TLL1: variants seen among roughly 807,000 people sequenced by gnomAD.
TLL1 encodes the protein tolloid like 1.
TLL1 carries 49 observed loss-of-function variants against 128.2 expected under a neutral mutation model. That is an observed-to-expected ratio of 0.38 (90% CI 0.30 to 0.48). TLL1 has a LOEUF of 0.48. TLL1 is among the 20% of genes least tolerant of loss of function. TLL1 has a pLI of 0.96. For synonymous variants in TLL1, 454 were observed against 418.8 expected (o/e 1.08, Z -1.03); for missense variants, 1,123 against 1,242.0 (o/e 0.90, Z 1.44).
At chr4:165,973,231 A>G (rs1735708088) in intron 1 of TLL1, among the ~76,000 whole-genome samples, 1 of 152,126 alleles carries the variant, frequency 6.6e-6, no homozygotes, top group Non-Finnish European at 1.5e-5. Context: ...CTGAGTCCCA[A>G]AGCCTCAAAG....
chr4:165,873,940 G>C lies in TLL1; in HGVS notation c.36G>C (p.Val12=). 1 of 1,614,148 alleles carries C rather than the reference G, an allele frequency of 6.2e-7. No homozygotes were observed. The highest frequency in any genetic ancestry group is 1.1e-5 in the South Asian group (1 of 91,090). ...GAACGCTTTCCCCGAGGATGCTCGT[G>C]TGGCTGGTGGCCTCGGGGATTGTTT... is the stretch of plus-strand genomic sequence containing the variant. The part of the protein sequence containing the change: ...GLGTLSPRML[V]WLVASGIVFY... Residue 12 remains valine (V), a synonymous_variant, in exon 1 of 21, where the codon GTG becomes GTC. Coordinates refer to ENST00000061240, the MANE Select transcript of TLL1 (RefSeq NM_012464.5).
At chr4:166,071,648 G>A (rs1740809575) in intron 16 of TLL1, among the ~76,000 whole-genome samples, 2 of 151,662 alleles carry the variant, frequency 1.3e-5, no homozygotes, top group African/African-American at 4.8e-5. Context: ...CTCTTTCCTT[G>A]GATTTGTATT....
At chr4:166,100,528 G>C (rs2279724) in intron 20 of TLL1, among the ~76,000 whole-genome samples, 1 of 151,972 alleles carries the variant, frequency 6.6e-6, no homozygotes, top group Non-Finnish European at 1.5e-5. Context: ...CTACATCACC[G>C]ACTAGTCGCG....
intron 1 of TLL1, among the ~76,000 whole-genome samples, chr4:165,926,631 C>T (rs1226107472): frequency 6.6e-6 from 1 of 152,114 alleles, no homozygotes; most frequent in East Asian, 1.9e-4. Flanking sequence ...CCATGTATCC[C>T]TGCTGCTGTC....
chr4:165,899,483 A>G (rs1422575435), intron 1 of TLL1, among the ~76,000 whole-genome samples: 1 of 152,116 alleles, frequency 6.6e-6, no homozygotes, highest in Non-Finnish European at 1.5e-5. Context: ...TTATTTACCT[A>G]GTAGTCATTC....
intron 1 of TLL1, among the ~76,000 whole-genome samples, chr4:165,946,175 C>G (rs1734239539): frequency 1.3e-5 from 2 of 152,086 alleles, no homozygotes; most frequent in African/African-American, 2.4e-5. Flanking sequence ...TCTGCCAACA[C>G]TGAATGAGCT....
In TLL1 at chr4:165,994,329, A is replaced by T. The variant is rs59155367; in HGVS notation, c.362-52A>T. The T allele has an allele frequency of 9.5e-3, 15,275 of 1,611,162 alleles. 1,235 individuals are homozygous for T. In the African/African-American group the frequency reaches 0.18, roughly 19 times the overall value. On this transcript the variant is annotated intron_variant, in intron 3 of 20. Coordinates refer to ENST00000061240, the MANE Select transcript of TLL1 (RefSeq NM_012464.5). The stretch of plus-strand genomic sequence containing the variant: ...ACTTTTGTCCTTTAAGAGGTAAATG[A>T]TTCCCTGACCAAGAACTTCTGTTTC...
chr4:166,037,154 T>G (rs1045080637), intron 9 of TLL1, among the ~76,000 whole-genome samples: 1 of 152,128 alleles, frequency 6.6e-6, no homozygotes, highest in African/African-American at 2.4e-5. Context: ...TGAAACATAG[T>G]ATCAGGCAGT....
intron 18 of TLL1, among the ~76,000 whole-genome samples, chr4:166,083,699 G>T (rs1560860381): frequency 1.5e-5 from 1 of 66,800 alleles, no homozygotes; most frequent in African/African-American, 3.1e-5. Flanking sequence ...TTTCACCCAT[G>T]TTGTTACAAA....
At chr4:165,960,758 C>T (rs990314955) in intron 1 of TLL1, among the ~76,000 whole-genome samples, 1 of 151,964 alleles carries the variant, frequency 6.6e-6, no homozygotes, top group Admixed American at 6.6e-5. Flanking sequence ...ATAATCCCGC[C>T]TCCCTTCAGG....
intron 15 of TLL1, among the ~76,000 whole-genome samples, chr4:166,061,492 G>C (rs910120060): frequency 1.3e-5 from 2 of 152,028 alleles, no homozygotes; most frequent in African/African-American, 4.8e-5. Context: ...TGATCCGCCT[G>C]CCTCAGCCTC....
rs779010027 is a variant in TLL1 at position 165,934,173 on chromosome 4, CTTTTTT to C, written c.170-55192_170-55187del. Among the ~76,000 whole-genome samples the C allele has an allele frequency of 4.5e-4, 49 of 108,296 alleles. 1 individual carries two copies. The highest frequency in any genetic ancestry group is 1.4e-3 in the African/African-American group (39 of 26,928). 71.0% of individuals were successfully genotyped at this position (108,296 alleles called of 152,430 possible). On this transcript the variant is annotated intron_variant, in intron 1 of 20. Coordinates refer to ENST00000061240, the MANE Select transcript of TLL1 (RefSeq NM_012464.5). ...GCCACCACGCCCAGCTAATTTTTTG[CTTTTTT>C]TTTTTTTTTTTTTTTAGTAGGGACG...
At chr4:166,018,213 C>T (rs964411208) in intron 8 of TLL1, among the ~76,000 whole-genome samples, 23 of 152,168 alleles carry the variant, frequency 1.5e-4, no homozygotes, top group African/African-American at 5.5e-4. Context: ...TCCTATTCAA[C>T]AAATGGTACT....
In TLL1 at chr4:166,008,099, G is replaced by T. The variant is rs369018882; in HGVS notation, c.917+51G>T. On this transcript the variant is annotated intron_variant, in intron 7 of 20. Coordinates refer to ENST00000061240, the MANE Select transcript of TLL1 (RefSeq NM_012464.5). ...GACTTTTAATTCCTTTCCTCCATGT[G>T]GCTCCTCACAAAGCTATGCCTGACA... 3 of 1,346,330 alleles carry T rather than the reference G, an allele frequency of 2.2e-6. No homozygotes were observed. The African/African-American group carries it at 4.3e-5, about 19-fold the overall frequency. The allele number at this position is 1,346,330 out of a possible 1,614,324, so 83.4% of individuals were successfully genotyped here.
Position 166,101,870 on chromosome 4 carries a change from G to A in TLL1, c.*994G>A, listed in dbSNP as rs1466385276. ...TTGAAATGAAGCAGAAGTAGGCCTT[G>A]TGAGAACTGAAAGGTCTCTTTCATT... On this transcript the variant is annotated 3_prime_UTR_variant, in exon 21 of 21. Transcript: ENST00000061240. 6.6e-6 allele frequency: 1 copy of A among 152,384 alleles called. No homozygotes were observed. Among genetic ancestry groups the A allele is most frequent in the African/African-American group, 2.4e-5 (1 of 41,414 alleles). The allele number at this position is 152,384 out of a possible 1,614,324, so 9.4% of individuals were successfully genotyped here.
intron 1 of TLL1, among the ~76,000 whole-genome samples, chr4:165,905,556 C>T (rs142149229): frequency 1.6e-4 from 24 of 152,216 alleles, no homozygotes; most frequent in African/African-American, 5.8e-4. Context: ...TCTGTTGACT[C>T]CTGTTTAGAT....
At chr4:166,090,918 C>T (rs1442298012) in intron 18 of TLL1, among the ~76,000 whole-genome samples, 1 of 151,956 alleles carries the variant, frequency 6.6e-6, no homozygotes, top group Admixed American at 6.6e-5. Context: ...AGTGGAATTT[C>T]ATATGAAGTT....
intron 9 of TLL1, chr4:166,030,389 T>C: frequency 2.3e-6 from 1 of 436,576 alleles, no homozygotes; most frequent in Non-Finnish European, 4.1e-6. Flanking sequence ...GAAGTTTTTA[T>C]ATATTCTGGT....
chr4:165,876,837 C>T (rs1341962653), intron 1 of TLL1, among the ~76,000 whole-genome samples: 4 of 152,130 alleles, frequency 2.6e-5, no homozygotes, highest in African/African-American at 7.2e-5. Flanking sequence ...ACCAGGAGTC[C>T]AGACTACTAG....
Sources: allele counts gnomAD v4.1 joint callset (sites outside exome capture counted in the v4.1 genomes callset), GRCh38; gene constraint gnomAD v4.1.1; transcripts MANE v1.5; gene names NCBI Gene and HGNC (gene_info 2026-07-23, HGNC 2026-07-21).